Variants in CNTNAP2 observed in about 807,000 individuals in gnomAD.
CNTNAP2 encodes the protein contactin-associated protein-like 2.
In CNTNAP2, 98 loss-of-function variants were observed where a neutral mutation model predicts 155.2. The observed-to-expected ratio is 0.63, with a 90% CI of 0.54 to 0.75. CNTNAP2 has a LOEUF of 0.75. Ranked by LOEUF, CNTNAP2 falls within the 30% of genes least tolerant of loss-of-function variation. CNTNAP2 has a pLI of 0.00. For missense variants in CNTNAP2, 1,727 were observed against 1,688.1 expected, an observed-to-expected ratio of 1.02 and a Z score of -0.40; for synonymous variants, 651 against 631.2, an observed-to-expected ratio of 1.03 and a Z score of -0.47.
intron 3 of CNTNAP2, among the ~76,000 whole-genome samples, chr7:146,875,505 C>G (rs553458430): frequency 1.3e-5 from 2 of 152,074 alleles, no homozygotes; most frequent in African/African-American, 4.8e-5. Flanking sequence ...AGTTTTAAAA[C>G]ACGAAACTGT....
At chr7:146,543,752 A>T (rs1797988472) in intron 1 of CNTNAP2, among the ~76,000 whole-genome samples, 1 of 151,932 alleles carries the variant, frequency 6.6e-6, no homozygotes, top group Non-Finnish European at 1.5e-5. Flanking sequence ...CTAAACTATA[A>T]ACTTCAAAAT....
chr7:147,374,427 A>G (rs1450579494), intron 9 of CNTNAP2, among the ~76,000 whole-genome samples: 2 of 152,096 alleles, frequency 1.3e-5, no homozygotes. Context: ...AATCTTGCCT[A>G]CCATTGCATT....
intron 9 of CNTNAP2, among the ~76,000 whole-genome samples, chr7:147,317,676 A>G (rs768314982): frequency 6.6e-6 from 1 of 152,142 alleles, no homozygotes; most frequent in Non-Finnish European, 1.5e-5. Flanking sequence ...TTGAGTATAT[A>G]TAATAGATTA....
chr7:148,203,922 T>C (rs1429254968), intron 18 of CNTNAP2, among the ~76,000 whole-genome samples: 1 of 152,292 alleles, frequency 6.6e-6, no homozygotes, highest in East Asian at 1.9e-4. Context: ...GGACTCGGTA[T>C]ACCATCATAA....
chr7:147,264,168 G>C (rs951858319), intron 8 of CNTNAP2, among the ~76,000 whole-genome samples: 1 of 152,098 alleles, frequency 6.6e-6, no homozygotes, highest in African/African-American at 2.4e-5. Flanking sequence ...TGAAGTGAAC[G>C]CATGAAAAAT....
intron 9 of CNTNAP2, among the ~76,000 whole-genome samples, chr7:147,365,617 A>C (rs1796217418): frequency 6.6e-6 from 1 of 152,138 alleles, no homozygotes; most frequent in South Asian, 2.1e-4. Context: ...AATATGTCAA[A>C]ACATTATCAG....
At chr7:147,645,509 T>C (rs1227483315) in intron 13 of CNTNAP2, among the ~76,000 whole-genome samples, 2 of 152,134 alleles carry the variant, frequency 1.3e-5, no homozygotes, top group Non-Finnish European at 2.9e-5. Context: ...TAGTAATAAC[T>C]AAAGGGTAAA....
intron 9 of CNTNAP2, among the ~76,000 whole-genome samples, chr7:147,336,383 C>T (rs537874230): frequency 8.5e-5 from 13 of 152,102 alleles, no homozygotes; most frequent in Non-Finnish European, 1.8e-4. Flanking sequence ...CAAGAAAAGC[C>T]TTTCAACAGG....
intron 1 of CNTNAP2, among the ~76,000 whole-genome samples, chr7:146,422,206 T>C (rs2129114191): frequency 6.6e-6 from 1 of 151,600 alleles, no homozygotes; most frequent in South Asian, 2.1e-4. Context: ...GTAGTGTACA[T>C]TGTACCTATG....
chr7:148,082,739 C>T (rs1803638882), intron 15 of CNTNAP2, among the ~76,000 whole-genome samples: 1 of 152,076 alleles, frequency 6.6e-6, no homozygotes, highest in African/African-American at 2.4e-5. Context: ...AGTGCAATGG[C>T]ACCATCTCAG....
intron 15 of CNTNAP2, among the ~76,000 whole-genome samples, chr7:148,100,863 AAGACTTGG>A (rs1804083806): frequency 6.6e-6 from 1 of 152,172 alleles, no homozygotes; most frequent in South Asian, 2.1e-4. Context: ...CACAACAGCA[AAGACTTGG>A]AACCAACCTA....
intron 13 of CNTNAP2, among the ~76,000 whole-genome samples, chr7:147,858,547 A>G (rs143966129): frequency 4.6e-5 from 7 of 152,330 alleles, no homozygotes; most frequent in Admixed American, 2.0e-4. Flanking sequence ...TCACTGCCAA[A>G]GAAGATAGGT....
intron 21 of CNTNAP2, among the ~76,000 whole-genome samples, chr7:148,314,716 T>A (rs948491746): frequency 6.6e-6 from 1 of 151,012 alleles, no homozygotes; most frequent in Non-Finnish European, 1.5e-5. Flanking sequence ...GAGAAGGGGT[T>A]AGGGGGTTCT....
At chr7:146,422,918 G>A (rs1317103738) in intron 1 of CNTNAP2, among the ~76,000 whole-genome samples, 2 of 152,044 alleles carry the variant, frequency 1.3e-5, no homozygotes, top group African/African-American at 4.8e-5. Flanking sequence ...AGATAAAAGG[G>A]ATGAAATATA....
chr7:147,423,009 C>T (rs551699619), intron 10 of CNTNAP2, among the ~76,000 whole-genome samples: 1 of 152,130 alleles, frequency 6.6e-6, no homozygotes, highest in African/African-American at 2.4e-5. Context: ...AATGAATGAT[C>T]GAGCTACTTT....
At chr7:147,487,490 C>A (rs1489377638) in intron 11 of CNTNAP2, among the ~76,000 whole-genome samples, 1 of 152,136 alleles carries the variant, frequency 6.6e-6, no homozygotes, top group African/African-American at 2.4e-5. Flanking sequence ...CTTCACTCCA[C>A]TAGCATAATT....
At position 147,348,365 on chromosome 7, in the gene CNTNAP2, A is replaced by T. The variant is rs974885614; in HGVS notation, c.1499-47244A>T. 6.4e-5 allele frequency among the ~76,000 whole-genome samples: 7 copies of T among 109,988 alleles called. No individual in the cohort carries two copies. In the East Asian group the frequency reaches 1.8e-3, roughly 28 times the overall value. The allele number at this position is 109,988 out of a possible 152,430, so 72.2% of individuals were successfully genotyped here. On this transcript the variant is annotated intron_variant, in intron 9 of 23. Transcript: ENST00000361727. ...GAATAGACATTTCTCAAAAGAAGAC[A>T]TACAAATAGCAAAAAAAAAAATGAA...
intron 12 of CNTNAP2, among the ~76,000 whole-genome samples, chr7:147,577,460 T>C (rs1056006768): frequency 1.3e-5 from 2 of 151,922 alleles, no homozygotes; most frequent in Admixed American, 6.6e-5. Context: ...GAAGCAATAT[T>C]TTCAGACAGG....
At chr7:147,419,994 A>G (rs1044345280) in intron 10 of CNTNAP2, among the ~76,000 whole-genome samples, 15 of 152,236 alleles carry the variant, frequency 9.9e-5, no homozygotes, top group Admixed American at 9.2e-4. Context: ...AATAAAGCTT[A>G]GAGGCAGAGA....
Sources: gnomAD v4.1 joint callset for allele counts (sites outside exome capture counted in the v4.1 genomes callset) on GRCh38, gnomAD v4.1.1 for gene constraint, MANE v1.5 for transcripts, NCBI Gene and HGNC (gene_info 2026-07-23, HGNC 2026-07-21) for gene names.